GALNTL6: variants seen among roughly 807,000 people sequenced by gnomAD.
GALNTL6 encodes the protein polypeptide N-acetylgalactosaminyltransferase-like 6.
In GALNTL6, 46 loss-of-function variants were observed where a neutral mutation model predicts 73.7. The ratio of observed to expected loss-of-function variants is 0.62; its 90% CI spans 0.49 to 0.80. The LOEUF (loss-of-function observed/expected upper bound fraction) is 0.80. Among genes scored for constraint, GALNTL6 ranks in the 30% least tolerant of loss-of-function variants. The probability of loss-of-function intolerance (pLI) is 0.00; values close to 1 mark genes in which losing one functional copy is unlikely to be tolerated. For missense variants in GALNTL6, 604 were observed against 755.0 expected (o/e 0.80, Z 2.34); for synonymous variants, 259 against 263.7 (o/e 0.98, Z 0.17).
chr4:172,448,142 C>A (rs577429496), intron 5 of GALNTL6, among the ~76,000 whole-genome samples: 4 of 152,036 alleles, frequency 2.6e-5, no homozygotes, highest in Admixed American at 2.0e-4. Context: ...ATAGAGCCAG[C>A]GCTACTGATT....
intron 8 of GALNTL6, among the ~76,000 whole-genome samples, chr4:172,905,789 A>C: frequency 6.8e-6 from 1 of 147,084 alleles, no homozygotes; most frequent in East Asian, 2.0e-4. Context: ...ATGGAAAAGA[A>C]AGACTTTCTC....
intron 2 of GALNTL6, among the ~76,000 whole-genome samples, chr4:172,194,097 A>C (rs1427681379): frequency 1.3e-5 from 2 of 152,156 alleles, no homozygotes; most frequent in African/African-American, 4.8e-5. Context: ...ATGATAAAAC[A>C]TTACAGGAGC....
intron 5 of GALNTL6, among the ~76,000 whole-genome samples, chr4:172,377,472 C>T (rs1002461212): frequency 6.6e-5 from 10 of 152,230 alleles, no homozygotes; most frequent in African/African-American, 2.4e-4. Flanking sequence ...CAGCTGGCTT[C>T]GCCTAGCAGA....
At chr4:172,217,614 TA>T (rs1185971152) in intron 2 of GALNTL6, among the ~76,000 whole-genome samples, 1 of 152,220 alleles carries the variant, frequency 6.6e-6, no homozygotes, top group Non-Finnish European at 1.5e-5. Flanking sequence ...CATTTCCTTT[TA>T]ATTCATTCTT....
At chr4:172,908,534 G>A (rs1747025063) in intron 8 of GALNTL6, among the ~76,000 whole-genome samples, 2 of 151,840 alleles carry the variant, frequency 1.3e-5, no homozygotes, top group Admixed American at 1.3e-4. Context: ...AAATAATGCA[G>A]TGAAATCAAC....
chr4:172,649,217 C>T (rs1335454117), intron 5 of GALNTL6, among the ~76,000 whole-genome samples: 2 of 152,052 alleles, frequency 1.3e-5, no homozygotes, highest in East Asian at 3.9e-4. Flanking sequence ...AAGAACAATA[C>T]ATTAGCCTGA....
At chr4:172,765,811 C>A (rs1398209335) in intron 5 of GALNTL6, among the ~76,000 whole-genome samples, 2 of 151,154 alleles carry the variant, frequency 1.3e-5, no homozygotes, top group Admixed American at 6.6e-5. Context: ...ATACATCAAG[C>A]AAAGGGTGAG....
chr4:172,005,840 C>T (rs1254168177), intron 2 of GALNTL6, among the ~76,000 whole-genome samples: 2 of 152,006 alleles, frequency 1.3e-5, no homozygotes, highest in Non-Finnish European at 2.9e-5. Context: ...GTTTGAATTC[C>T]CCTTTTGTAG....
chr4:171,914,229 C>T (rs987676866), intron 2 of GALNTL6, among the ~76,000 whole-genome samples: 2 of 151,970 alleles, frequency 1.3e-5, no homozygotes, highest in Non-Finnish European at 2.9e-5. Context: ...AGGAAAGTTC[C>T]CTTTGGGGTT....
chr4:172,633,215 G>A (rs752562927), intron 5 of GALNTL6, among the ~76,000 whole-genome samples: 6 of 152,282 alleles, frequency 3.9e-5, no homozygotes, highest in Admixed American at 6.5e-5. Context: ...TAGATCCACC[G>A]ATAGCTTGGA....
intron 5 of GALNTL6, among the ~76,000 whole-genome samples, chr4:172,640,162 CCATTA>C (rs1739905543): frequency 1.3e-5 from 2 of 152,118 alleles, no homozygotes; most frequent in Non-Finnish European, 2.9e-5. Flanking sequence ...CATCAAAAAA[CCATTA>C]CATTACAAAT....
intron 5 of GALNTL6, among the ~76,000 whole-genome samples, chr4:172,431,063 CTTT>C (rs1204856328): frequency 6.6e-6 from 1 of 151,874 alleles, no homozygotes; most frequent in Non-Finnish European, 1.5e-5. Flanking sequence ...CTTATTTTTT[CTTT>C]TGTTTATGAT....
chr4:171,935,876 A>G (rs943766056), intron 2 of GALNTL6, among the ~76,000 whole-genome samples: 5 of 151,972 alleles, frequency 3.3e-5, no homozygotes, highest in African/African-American at 9.7e-5. Context: ...AAGAATGAAG[A>G]CCTCTTTTTT....
At chr4:172,444,111 A>G (rs1447391532) in intron 5 of GALNTL6, among the ~76,000 whole-genome samples, 1 of 152,220 alleles carries the variant, frequency 6.6e-6, no homozygotes, top group East Asian at 1.9e-4. Context: ...GAAAGAGATT[A>G]GTCTGGAGTA....
At chr4:172,489,088 A>C (rs914179151) in intron 5 of GALNTL6, among the ~76,000 whole-genome samples, 1 of 152,170 alleles carries the variant, frequency 6.6e-6, no homozygotes, top group Non-Finnish European at 1.5e-5. Flanking sequence ...TTATTATACC[A>C]AGTAGTTTCT....
intron 7 of GALNTL6, among the ~76,000 whole-genome samples, chr4:172,840,495 T>G (rs1437779398): frequency 6.6e-6 from 1 of 152,110 alleles, no homozygotes; most frequent in African/African-American, 2.4e-5. Flanking sequence ...CTCTGAAAAT[T>G]TCATTATGAC....
intron 5 of GALNTL6, among the ~76,000 whole-genome samples, chr4:172,358,644 C>T (rs1449540893): frequency 6.6e-6 from 1 of 152,038 alleles, no homozygotes; most frequent in African/African-American, 2.4e-5. Flanking sequence ...TTGTCTGAAC[C>T]ATTGCAACAT....
chr4:172,971,040 C>A (rs886383974), intron 10 of GALNTL6, among the ~76,000 whole-genome samples: 11 of 152,196 alleles, frequency 7.2e-5, no homozygotes, highest in Non-Finnish European at 1.5e-4. Context: ...TGCTGGGGTT[C>A]CAGCCAGTCC....
At chr4:172,536,583 G>T (rs529368479) in intron 5 of GALNTL6, among the ~76,000 whole-genome samples, 4 of 152,316 alleles carry the variant, frequency 2.6e-5, no homozygotes, top group African/African-American at 9.6e-5. Flanking sequence ...GTGGAACTTT[G>T]AACTTGGGAG....
Sources: allele counts gnomAD v4.1 joint callset (sites outside exome capture counted in the v4.1 genomes callset), GRCh38; gene constraint gnomAD v4.1.1; transcripts MANE v1.5; gene names NCBI Gene and HGNC (gene_info 2026-07-23, HGNC 2026-07-21).